IQSEC3: variants seen among roughly 807,000 people sequenced by gnomAD.
The protein encoded by IQSEC3 is IQ motif and Sec7 domain ArfGEF 3, also known as IQ motif and SEC7 domain-containing protein 3.
Under a neutral mutation model 105.4 loss-of-function variants are expected in IQSEC3, and 50 were observed. The ratio of observed to expected loss-of-function variants is 0.47; its 90% CI spans 0.38 to 0.60. The LOEUF is 0.60. IQSEC3 is among the 20% of genes least tolerant of loss of function. The pLI is 0.00. For missense variants in IQSEC3, 1,415 were observed against 1,630.0 expected (o/e 0.87, Z 2.27); for synonymous variants, 708 against 746.0 (o/e 0.95, Z 0.83).
Position 138,512 on chromosome 12 carries a change from C to T in IQSEC3, c.1149C>T (p.Arg383=), listed in dbSNP as rs141135686. Residue 383 remains arginine, a synonymous_variant, in exon 4 of 14, where the codon CGC becomes CGT. Transcript: ENST00000538872. This position sits in a 1 kb window ranked among gnomAD's most constrained non-coding sequence, Gnocchi z 7.1. ...GYGLVGLPLV[R]SPSLPPTFAG... Reference sequence around the variant, plus strand: ...GCCTCGTGGGGCTGCCGCTGGTGCGCTCGCCCTCCCTGCCGCCCACCTTCG... The same window carrying T: ...GCCTCGTGGGGCTGCCGCTGGTGCGTTCGCCCTCCCTGCCGCCCACCTTCG... 9.0e-5 allele frequency: 142 copies of T among 1,580,164 alleles called. 1 individual carries two copies. The highest frequency in any genetic ancestry group is 2.1e-5 in the Non-Finnish European group (25 of 1,169,788).
In IQSEC3 at chr12:139,304, C is replaced by A; in HGVS notation, c.1941C>A (p.Thr647=). 6.2e-7 allele frequency: 1 copy of A among 1,600,784 alleles called. No homozygotes were observed. Among genetic ancestry groups the A allele is most frequent in the Non-Finnish European group, 8.5e-7 (1 of 1,174,506 alleles). Residue 647 remains threonine, a synonymous_variant, in exon 4 of 14, where the codon ACC becomes ACA. Coordinates refer to ENST00000538872, the MANE Select transcript of IQSEC3 (RefSeq NM_001170738.2). ...PASCKSPTLS[T]DTLRKRLYRI... is the part of the protein sequence containing the mutation. ...GCTGCAAGTCGCCCACGCTCTCCAC[C>A]GACACCCTGCGCAAGCGGCTCTACC... is the stretch of plus-strand genomic sequence containing the variant.
chr12:102,930 C>A (rs1221152751), intron 2 of IQSEC3, among the ~76,000 whole-genome samples: 1 of 152,080 alleles, frequency 6.6e-6, no homozygotes, highest in Non-Finnish European at 1.5e-5. Context: ...GTTCCCCAAA[C>A]CCCCCTAGGA....
At chr12:99,251 ACCTT>A (rs781990982) in intron 2 of IQSEC3, 37 bp downstream of exon 2, 1 of 1,573,672 alleles carries the variant, frequency 6.4e-7, no homozygotes, top group Non-Finnish European at 8.6e-7. Flanking sequence ...CCGCATCCCC[ACCTT>A]CCTTCCTGTT....
chr12:73,455 G>A (rs1315131503), intron 1 of IQSEC3, among the ~76,000 whole-genome samples: 3 of 152,266 alleles, frequency 2.0e-5, no homozygotes, highest in Non-Finnish European at 2.9e-5. Flanking sequence ...TGGCAGATCA[G>A]CTGAGGTCAG....
intron 1 of IQSEC3, among the ~76,000 whole-genome samples, chr12:78,872 C>T (rs1863649400): frequency 6.6e-6 from 1 of 152,116 alleles, no homozygotes; most frequent in African/African-American, 2.4e-5. Flanking sequence ...GGGACCCTTC[C>T]AGTGGCAGAA....
chr12:163,475 G>A lies in IQSEC3; in HGVS notation c.2584-19G>A, dbSNP rs1404337367. 1.3e-6 allele frequency: 2 copies of A among 1,591,762 alleles called. No individual in the cohort carries two copies. The highest frequency in any genetic ancestry group is 1.7e-6 in the Non-Finnish European group (2 of 1,167,724). On this transcript the variant is annotated intron_variant, in intron 8 of 13. Transcript: ENST00000538872. Reference sequence around the variant, plus strand: ...CCAGGCCTCTGGTCTCTCCCGCTGAGCGCCCTGCCCGCGTGCAGGTGCTGT... The same window carrying A: ...CCAGGCCTCTGGTCTCTCCCGCTGAACGCCCTGCCCGCGTGCAGGTGCTGT...
At chr12:165,922 G>T (rs1386291422) in intron 11 of IQSEC3, 32 bp downstream of exon 11, 2 of 1,605,138 alleles carry the variant, frequency 1.2e-6, no homozygotes, top group Non-Finnish European at 1.7e-6. Context: ...GCAGCTGGTG[G>T]GGGTTCCCAT....
chr12:117,357 C>G (rs1407125569), intron 2 of IQSEC3, among the ~76,000 whole-genome samples: 1 of 152,230 alleles, frequency 6.6e-6, no homozygotes, highest in African/African-American at 2.4e-5. Context: ...AGAGCCATGC[C>G]TGTTTATGAC....
At chr12:109,982 G>A (rs974282683) in intron 2 of IQSEC3, among the ~76,000 whole-genome samples, 10 of 152,138 alleles carry the variant, frequency 6.6e-5, no homozygotes, top group African/African-American at 2.4e-4. Context: ...GGACAGCTCT[G>A]TCGAAACAAC....
At chr12:173,050 C>T (rs1021448495) in intron 13 of IQSEC3, among the ~76,000 whole-genome samples, 1 of 152,158 alleles carries the variant, frequency 6.6e-6, no homozygotes, top group Non-Finnish European at 1.5e-5. Context: ...AGCACAAGCC[C>T]GTCCTGGCTG....
intron 5 of IQSEC3, among the ~76,000 whole-genome samples, chr12:155,777 C>A (rs533050511): frequency 6.6e-6 from 1 of 152,270 alleles, no homozygotes; most frequent in South Asian, 2.1e-4. Context: ...GCCAGGGGAC[C>A]ATGGGAGCAG....
intron 5 of IQSEC3, among the ~76,000 whole-genome samples, chr12:151,616 C>T (rs947192402): frequency 4.6e-5 from 7 of 152,192 alleles, no homozygotes; most frequent in Non-Finnish European, 8.8e-5. Context: ...AGGACCCTGT[C>T]GCTCCTCTGA....
Position 141,282 on chromosome 12 carries a change from T to C in IQSEC3, c.2150T>C (p.Leu717Pro), listed in dbSNP as rs1555089164. 6.2e-7 allele frequency: 1 copy of C among 1,613,240 alleles called. No homozygotes were observed. The highest frequency in any genetic ancestry group is 8.5e-7 in the Non-Finnish European group (1 of 1,179,404). ...NSKKQFNRDV[L>P]DCVVDEMDFS... ...AAGAAGCAGTTCAACCGCGACGTGC[T>C]GGAGTGAGTACCCCACACTCCGGGC... The change falls in exon 5 of 14, where the codon CTG becomes CCG. Residue 717 changes from leucine (L) to proline (P), a missense_variant. Leu to Pro is a moderately conservative substitution (Grantham distance 98, BLOSUM62 -3). This residue lies in a region of IQSEC3 where 213 missense variants were observed against 306.2 expected (regional missense o/e 0.70). Coordinates refer to ENST00000538872, the MANE Select transcript of IQSEC3 (RefSeq NM_001170738.2).
At chr12:151,694 C>A (rs543862480) in intron 5 of IQSEC3, among the ~76,000 whole-genome samples, 1 of 152,334 alleles carries the variant, frequency 6.6e-6, no homozygotes, top group African/African-American at 2.4e-5. Context: ...ACCCACAAAG[C>A]TGACAGACTG....
rs536356387 is a variant in IQSEC3, at chr12:154,314, C to T, written c.2154-2711C>T. On this transcript the variant is annotated intron_variant, in intron 5 of 13. Coordinates refer to ENST00000538872, the MANE Select transcript of IQSEC3 (RefSeq NM_001170738.2). Reference sequence around the variant, plus strand: ...AGATGCCACCCTCACCAGCTGCTCCCGCTGCCTCTGCGGCAGCCTGCCCCC... The same window carrying T: ...AGATGCCACCCTCACCAGCTGCTCCTGCTGCCTCTGCGGCAGCCTGCCCCC... Among the ~76,000 whole-genome samples the T allele has an allele frequency of 8.3e-4, 126 of 151,558 alleles. 1 individual carries two copies. The highest frequency in any genetic ancestry group is 2.8e-3 in the African/African-American group (114 of 41,390).
intron 1 of IQSEC3, among the ~76,000 whole-genome samples, chr12:89,175 C>T (rs1203209872): frequency 6.6e-6 from 1 of 152,134 alleles, no homozygotes; most frequent in Admixed American, 6.5e-5. Context: ...ATTCAGCCAT[C>T]CCCACCCCCA....
intron 1 of IQSEC3, among the ~76,000 whole-genome samples, chr12:83,592 G>T (rs1396426327): frequency 1.3e-5 from 2 of 151,760 alleles, no homozygotes; most frequent in Non-Finnish European, 2.9e-5. Context: ...AAGAAGGGAA[G>T]GGGGGCCAGA....
intron 9 of IQSEC3, 88 bp downstream of exon 9, chr12:163,707 G>C: frequency 1.2e-6 from 1 of 809,134 alleles, no homozygotes; most frequent in South Asian, 1.5e-5. Context: ...AAGTGGGCAG[G>C]AAAGGACGCC....
chr12:130,976 C>T (rs1227004110), intron 3 of IQSEC3, among the ~76,000 whole-genome samples: 1 of 149,806 alleles, frequency 6.7e-6, no homozygotes, highest in Non-Finnish European at 1.5e-5. Context: ...GCCCCCCACA[C>T]CTCCCCGCGA....
Sources: gnomAD v4.1 joint callset for allele counts (sites outside exome capture counted in the v4.1 genomes callset) on GRCh38, gnomAD v4.1.1 for gene constraint, gnomAD v4.1.1 regional missense constraint, Gnocchi (gnomAD v3.1) non-coding constraint, MANE v1.5 for transcripts, NCBI Gene and HGNC (gene_info 2026-07-23, HGNC 2026-07-21) for gene names.